CREB5: variants seen among roughly 807,000 people sequenced by gnomAD.
CREB5 encodes the protein cAMP responsive element binding protein 5.
A neutral mutation model predicts 57.1 loss-of-function variants in CREB5; 19 were observed. That is an observed-to-expected ratio of 0.33 (90% CI 0.23 to 0.49). The LOEUF is 0.49. Ranked by LOEUF, CREB5 falls within the 20% of genes least tolerant of loss-of-function variation. The pLI is 0.99. For synonymous variants in CREB5, 238 were observed against 238.3 expected, an observed-to-expected ratio of 1.00 and a Z score of 0.01; for missense variants, 579 against 671.6, an observed-to-expected ratio of 0.86 and a Z score of 1.52.
At chr7:28,710,423 G>A (rs1474956944) in intron 5 of CREB5, among the ~76,000 whole-genome samples, 1 of 152,140 alleles carries the variant, frequency 6.6e-6, no homozygotes, top group Non-Finnish European at 1.5e-5. Context: ...ACAGTAAACA[G>A]GTAGACATAA....
At chr7:28,557,576 G>A (rs216735) in intron 4 of CREB5, among the ~76,000 whole-genome samples, 22,761 of 152,034 alleles carry the variant, frequency 0.15, 2,176 homozygotes, top group East Asian at 0.4. Context: ...GAATGGGAAA[G>A]GATAGATTAA....
chr7:28,753,075 C>T (rs951699389), intron 7 of CREB5, among the ~76,000 whole-genome samples: 6 of 152,138 alleles, frequency 3.9e-5, no homozygotes, highest in South Asian at 4.2e-4. Flanking sequence ...CAAAATGTAC[C>T]AAGCCTTGAG....
intron 1 of CREB5, among the ~76,000 whole-genome samples, chr7:28,453,953 C>A (rs895731916): frequency 1.0e-5 from 1 of 97,966 alleles, no homozygotes; most frequent in African/African-American, 3.2e-5. Flanking sequence ...GACTCCTCTC[C>A]AATTCTTTTT....
intron 4 of CREB5, among the ~76,000 whole-genome samples, chr7:28,519,531 TG>T (rs1219162204): frequency 2.0e-5 from 2 of 98,266 alleles, no homozygotes; most frequent in East Asian, 4.2e-4. Context: ...TTACCCTTGG[TG>T]GTAATGGGTT....
At chr7:28,683,302 A>C (rs1169690572) in intron 5 of CREB5, among the ~76,000 whole-genome samples, 1 of 152,120 alleles carries the variant, frequency 6.6e-6, no homozygotes, top group Non-Finnish European at 1.5e-5. Flanking sequence ...ATGGGAAAGT[A>C]GGGCTTCTTT....
chr7:28,556,496 G>A (rs1794885385), intron 4 of CREB5, among the ~76,000 whole-genome samples: 1 of 152,098 alleles, frequency 6.6e-6, no homozygotes, highest in Admixed American at 6.6e-5. Flanking sequence ...AGGTGTGTGG[G>A]TCAATGCAAA....
chr7:28,393,388 C>A (rs1012778763), intron 1 of CREB5, among the ~76,000 whole-genome samples: 3 of 152,142 alleles, frequency 2.0e-5, no homozygotes, highest in African/African-American at 7.2e-5. Context: ...TCTATTTCTG[C>A]CCATCTCTCT....
intron 4 of CREB5, among the ~76,000 whole-genome samples, chr7:28,556,737 G>A (rs567037767): frequency 4.6e-5 from 7 of 152,232 alleles, no homozygotes; most frequent in Middle Eastern, 3.4e-3. Flanking sequence ...AGCCTGGCCC[G>A]TACACACAAT....
chr7:28,345,259 C>A (rs1363061599), intron 1 of CREB5, among the ~76,000 whole-genome samples: 1 of 132,004 alleles, frequency 7.6e-6, no homozygotes, highest in African/African-American at 2.7e-5. Context: ...CATATGGTGG[C>A]CCACAAAACA....
At chr7:28,322,096 G>T (rs1474404920) in intron 1 of CREB5, among the ~76,000 whole-genome samples, 3 of 152,194 alleles carry the variant, frequency 2.0e-5, no homozygotes, top group Non-Finnish European at 4.4e-5. Flanking sequence ...CAGAGATGTA[G>T]TAAAAAAGTA....
intron 1 of CREB5, among the ~76,000 whole-genome samples, chr7:28,381,384 A>G (rs1026319384): frequency 9.2e-5 from 14 of 152,194 alleles, no homozygotes; most frequent in African/African-American, 3.1e-4. Context: ...TTTTAAAGGG[A>G]AGGAAACCAA....
intron 3 of CREB5, among the ~76,000 whole-genome samples, chr7:28,504,382 A>G (rs1792390029): frequency 6.6e-6 from 1 of 152,218 alleles, no homozygotes; most frequent in Admixed American, 6.5e-5. Context: ...GATCCTGAAT[A>G]ATAATGGCGG....
intron 7 of CREB5, among the ~76,000 whole-genome samples, chr7:28,755,185 C>T (rs919069669): frequency 1.2e-4 from 19 of 152,158 alleles, no homozygotes; most frequent in African/African-American, 4.6e-4. Context: ...AGGGAAGGAC[C>T]TGCTACTGGA....
At chr7:28,708,341 C>A (rs1802230993) in intron 5 of CREB5, among the ~76,000 whole-genome samples, 1 of 152,288 alleles carries the variant, frequency 6.6e-6, no homozygotes, top group South Asian at 2.1e-4. Flanking sequence ...ACCGACACAT[C>A]CCTCCCCTGC....
intron 5 of CREB5, among the ~76,000 whole-genome samples, chr7:28,621,985 T>C (rs147291349): frequency 2.1e-4 from 32 of 152,260 alleles, no homozygotes; most frequent in African/African-American, 6.7e-4. Flanking sequence ...AGCGAATAGA[T>C]GATGAGGAAG....
At chr7:28,570,734 G>T (rs536658106) in intron 5 of CREB5, among the ~76,000 whole-genome samples, 197 bp downstream of exon 5, 1 of 152,042 alleles carries the variant, frequency 6.6e-6, no homozygotes, top group Non-Finnish European at 1.5e-5. Context: ...TTGGACTTTG[G>T]GTGGTAGGGG....
At chr7:28,451,459 TG>T (rs1459528884) in intron 1 of CREB5, among the ~76,000 whole-genome samples, 2 of 19,642 alleles carry the variant, frequency 1.0e-4, no homozygotes. Context: ...ACTGTGTGTG[TG>T]TGTGTGTGTG....
chr7:28,425,084 A>C (rs1281615575), intron 1 of CREB5, among the ~76,000 whole-genome samples: 1 of 152,200 alleles, frequency 6.6e-6, no homozygotes, highest in East Asian at 1.9e-4. Flanking sequence ...TTGTTTTGTC[A>C]CAGAAAATTT....
At chr7:28,330,401 C>CCTTTT (rs775917974) in intron 1 of CREB5, among the ~76,000 whole-genome samples, 14 of 88,534 alleles carry the variant, frequency 1.6e-4, no homozygotes, top group African/African-American at 4.4e-4. Flanking sequence ...GAGAACCTTA[C>CCTTTT]TTTTTTTTTT....
Sources: gnomAD v4.1 joint callset for allele counts (sites outside exome capture counted in the v4.1 genomes callset) on GRCh38, gnomAD v4.1.1 for gene constraint, MANE v1.5 for transcripts, NCBI Gene and HGNC (gene_info 2026-07-23, HGNC 2026-07-21) for gene names.